Variants in NMNAT3 observed in about 807,000 individuals in gnomAD.
The protein encoded by NMNAT3 is nicotinamide/nicotinic acid mononucleotide adenylyltransferase 3.
A neutral mutation model predicts 24.8 loss-of-function variants in NMNAT3; 21 were observed. The observed-to-expected ratio is 0.85, with a 90% confidence interval of 0.60 to 1.22. The LOEUF is 1.22. Ranked by LOEUF, NMNAT3 falls within the 50% of genes most tolerant of loss-of-function variation. The pLI is 0.00. For missense variants in NMNAT3, 387 were observed against 436.6 expected, an observed-to-expected ratio of 0.89 and a Z score of 1.01; for synonymous variants, 136 against 155.2, an observed-to-expected ratio of 0.88 and a Z score of 0.92.
intron 3 of NMNAT3, among the ~76,000 whole-genome samples, chr3:139,622,376 A>AT (rs139463069): frequency 2.6e-5 from 4 of 151,640 alleles, no homozygotes; most frequent in South Asian, 2.1e-4. Context: ...ACGATTGTAT[A>AT]TTTTTTTTGG....
intron 6 of NMNAT3, among the ~76,000 whole-genome samples, chr3:139,562,181 G>C (rs928635340): frequency 6.6e-6 from 1 of 152,204 alleles, no homozygotes; most frequent in African/African-American, 2.4e-5. Flanking sequence ...GAGGCAGAGA[G>C]AGATAAGTGA....
At chr3:139,580,033 T>C (rs1392609900) in intron 4 of NMNAT3, among the ~76,000 whole-genome samples, 1 of 152,260 alleles carries the variant, frequency 6.6e-6, no homozygotes, top group Non-Finnish European at 1.5e-5. Flanking sequence ...ATTTGTTTTT[T>C]AGGTAGTAAG....
chr3:139,610,587 A>ATC, intron 3 of NMNAT3, among the ~76,000 whole-genome samples: 1 of 152,218 alleles, frequency 6.6e-6, no homozygotes, highest in East Asian at 1.9e-4. Flanking sequence ...ATGAATATAT[A>ATC]TTAAAATCAC....
chr3:139,612,707 C>T (rs1301586755), intron 3 of NMNAT3, among the ~76,000 whole-genome samples: 1 of 152,162 alleles, frequency 6.6e-6, no homozygotes, highest in Non-Finnish European at 1.5e-5. Flanking sequence ...TAAGGCTCCT[C>T]CCATGGCCTA....
intron 3 of NMNAT3, among the ~76,000 whole-genome samples, chr3:139,612,091 C>T (rs1017107604): frequency 2.0e-5 from 3 of 150,540 alleles, no homozygotes; most frequent in South Asian, 2.1e-4. Context: ...TGCTTGAATC[C>T]GGAAGGCAGA....
intron 1 of NMNAT3, among the ~76,000 whole-genome samples, chr3:139,650,907 C>T (rs1255062690): frequency 6.6e-6 from 1 of 152,144 alleles, no homozygotes; most frequent in Non-Finnish European, 1.5e-5. Context: ...TTCATAACTT[C>T]TCTTACAAAA....
chr3:139,625,097 T>C (rs1196282869), intron 3 of NMNAT3, among the ~76,000 whole-genome samples: 1 of 152,232 alleles, frequency 6.6e-6, no homozygotes, highest in Non-Finnish European at 1.5e-5. Flanking sequence ...ATGACCTTAT[T>C]TATCCCACGT....
chr3:139,643,835 A>T (rs1372668011), intron 1 of NMNAT3, among the ~76,000 whole-genome samples: 1 of 152,214 alleles, frequency 6.6e-6, no homozygotes, highest in Non-Finnish European at 1.5e-5. Flanking sequence ...TACACACTTA[A>T]AAATGGTGAA....
At chr3:139,602,238 C>A (rs2108222464) in intron 3 of NMNAT3, among the ~76,000 whole-genome samples, 1 of 152,264 alleles carries the variant, frequency 6.6e-6, no homozygotes, top group Admixed American at 6.5e-5. Context: ...CTGTAGAAAT[C>A]AGGAAGCCAT....
chr3:139,627,643 C>T lies in NMNAT3; in HGVS notation c.82G>A (p.Val28Met), dbSNP rs757224023. The T allele has an allele frequency of 6.3e-7, 1 of 1,593,554 alleles. No homozygotes were observed. The highest frequency in any genetic ancestry group is 1.1e-5 in the South Asian group (1 of 90,224). ...GTTTGGTGTAGGTGATCTCTGGCCA[C>T]CTCAAACATGCGCAGGTGCATGTTG... Residue 28 changes from valine to methionine, a missense_variant, in exon 3 of 7, where the codon GTG (valine) becomes ATG (methionine). This residue lies in a region of NMNAT3 where 51 missense variants were observed against 55.6 expected (regional missense o/e 0.92). Transcript: ENST00000643695.
intron 1 of NMNAT3, among the ~76,000 whole-genome samples, chr3:139,655,027 A>AG (rs1002083722): frequency 6.6e-5 from 10 of 152,184 alleles, no homozygotes; most frequent in African/African-American, 2.4e-4. Context: ...TCAGGTTAAG[A>AG]GGGGGATGCT....
intron 1 of NMNAT3, among the ~76,000 whole-genome samples, chr3:139,667,993 G>A (rs1384049748): frequency 3.3e-5 from 5 of 152,192 alleles, no homozygotes; most frequent in African/African-American, 1.2e-4. Flanking sequence ...ATAGAGATAA[G>A]GATATGGGAG....
intron 3 of NMNAT3, among the ~76,000 whole-genome samples, chr3:139,610,754 C>T (rs1471506493): frequency 6.6e-6 from 1 of 152,106 alleles, no homozygotes; most frequent in Non-Finnish European, 1.5e-5. Context: ...AGCTTAATTT[C>T]CCCCTTATCT....
Position 139,632,847 on chromosome 3 carries a change from A to G in NMNAT3, c.-40-5083T>C, listed in dbSNP as rs567287582. ...AATCCTTGGAACCTGTGAATATGTTATATTACATGGCAAAAGGGACTTTAC... is the reference window on the plus strand; with the variant it reads ...AATCCTTGGAACCTGTGAATATGTTGTATTACATGGCAAAAGGGACTTTAC... On this transcript the variant is annotated intron_variant, in intron 2 of 6. Transcript: ENST00000643695. 2.0e-5 allele frequency among the ~76,000 whole-genome samples: 3 copies of G among 152,324 alleles called. No individual in the cohort carries two copies. The South Asian group carries it at 6.2e-4, about 32-fold the overall frequency.
At chr3:139,566,915 T>C (rs998052225) in intron 6 of NMNAT3, 4 of 152,224 alleles carry the variant, frequency 2.6e-5, no homozygotes, top group African/African-American at 9.7e-5. Flanking sequence ...CATTGGTAGG[T>C]TGATGGAGAT....
chr3:139,629,898 C>T (rs1286375582), intron 2 of NMNAT3, among the ~76,000 whole-genome samples: 2 of 152,196 alleles, frequency 1.3e-5, no homozygotes, highest in Non-Finnish European at 2.9e-5. Flanking sequence ...TACTTCATCA[C>T]TATTTATCAA....
chr3:139,576,017 GATC>G (rs1176294624), intron 5 of NMNAT3: 2 of 1,289,104 alleles, frequency 1.6e-6, no homozygotes, highest in Admixed American at 4.6e-5. Context: ...GACAACACAA[GATC>G]ATGTCTGCAA....
In NMNAT3 at chr3:139,578,389, C is replaced by A. The variant is rs141187905; in HGVS notation, c.575+483G>T. Among the ~76,000 whole-genome samples, 316 of 152,180 alleles carry A rather than the reference C, an allele frequency of 2.1e-3. 2 individuals carry two copies. Among genetic ancestry groups the A allele is most frequent in the African/African-American group, 6.9e-3 (288 of 41,522 alleles). ...GTACAATTAAAAAAGACAGCTTATT[C>A]TATAGATGTAGTTTTCAACTTAGAC... On this transcript the variant is annotated intron_variant, in intron 5 of 6. Transcript: ENST00000643695.
intron 3 of NMNAT3, among the ~76,000 whole-genome samples, chr3:139,595,598 G>A (rs1373500423): frequency 6.6e-6 from 1 of 152,160 alleles, no homozygotes; most frequent in Non-Finnish European, 1.5e-5. Context: ...GCATGGTACT[G>A]GTACCAAAAC....
Sources: allele counts gnomAD v4.1 joint callset (sites outside exome capture counted in the v4.1 genomes callset), GRCh38; gene constraint gnomAD v4.1.1; regional missense constraint gnomAD v4.1.1; transcripts MANE v1.5; gene names NCBI Gene and HGNC (gene_info 2026-07-23, HGNC 2026-07-21).